The following DCBLD1 variants were observed in gnomAD, a reference collection of about 807,000 sequenced individuals.
DCBLD1 encodes discoidin, CUB and LCCL domain containing 1, also known as discoidin, CUB and LCCL domain-containing protein 1.
In DCBLD1, 57 loss-of-function variants were observed where a neutral mutation model predicts 71.5. The observed-to-expected ratio is 0.80, with a 90% CI of 0.64 to 0.99. DCBLD1 has a LOEUF of 0.99. Among genes scored for constraint, DCBLD1 ranks in the 50% least tolerant of loss-of-function variants. DCBLD1 has a pLI of 0.00. For synonymous variants in DCBLD1, 380 were observed against 363.8 expected (o/e 1.04, Z -0.51); for missense variants, 891 against 923.5 (o/e 0.96, Z 0.46).
At chr6:117,563,100 C>T in intron 14 of DCBLD1, 1 of 636,674 alleles carries the variant, frequency 1.6e-6, no homozygotes, top group East Asian at 2.6e-5. Flanking sequence ...GTGTTTTATG[C>T]ATTGAGAATT....
intron 2 of DCBLD1, among the ~76,000 whole-genome samples, chr6:117,511,313 G>GT (rs922749717): frequency 6.6e-6 from 1 of 152,172 alleles, no homozygotes; most frequent in East Asian, 1.9e-4. Context: ...TTCAAAAAAT[G>GT]TTTTTTAGTC....
chr6:117,503,726 A>G (rs773941830), intron 1 of DCBLD1, 41 bp from the exon 2 acceptor site: 1 of 1,592,302 alleles, frequency 6.3e-7, no homozygotes, highest in Non-Finnish European at 8.6e-7. Context: ...AGAATTAATG[A>G]CCCCTTCTTC....
chr6:117,508,249 AT>A (rs769991619), intron 2 of DCBLD1: 31 of 152,238 alleles, frequency 2.0e-4, no homozygotes, highest in Non-Finnish European at 2.9e-4. Context: ...CAAGTGGTTT[AT>A]TAAATAACAT....
intron 6 of DCBLD1, among the ~76,000 whole-genome samples, chr6:117,536,663 A>C (rs1028144150): frequency 3.3e-5 from 5 of 152,204 alleles, no homozygotes; most frequent in Non-Finnish European, 5.9e-5. Context: ...GACAGGGCAG[A>C]GACTGTCCCC....
rs141049146 is a variant in DCBLD1, at chr6:117,562,065, T to C, written c.1616-7555T>C. The C allele has an allele frequency of 2.6e-3, 545 of 206,434 alleles. 3 individuals carry two copies. The highest frequency in any genetic ancestry group is 0.012 in the African/African-American group (511 of 44,042). The allele number at this position is 206,434 out of a possible 1,614,324, so 12.8% of individuals were successfully genotyped here. ...AAGCTATCACCTCTTTAATGCAATGTTGTGACTTTGCCTAGCAGGTTACAA... is the reference window on the plus strand; with the variant it reads ...AAGCTATCACCTCTTTAATGCAATGCTGTGACTTTGCCTAGCAGGTTACAA... On this transcript the variant is annotated intron_variant, in intron 14 of 14. Transcript: ENST00000296955.
At chr6:117,534,962 G>T (rs1398863098) in intron 6 of DCBLD1, among the ~76,000 whole-genome samples, 2 of 152,120 alleles carry the variant, frequency 1.3e-5, no homozygotes, top group African/African-American at 4.8e-5. Context: ...CTTATTTCTA[G>T]ATCTGTGATT....
chr6:117,535,633 A>G (rs368809726), intron 6 of DCBLD1, among the ~76,000 whole-genome samples: 1 of 152,178 alleles, frequency 6.6e-6, no homozygotes, highest in Non-Finnish European at 1.5e-5. Context: ...ATTAACTCCA[A>G]AGGTATCCTT....
intron 1 of DCBLD1, among the ~76,000 whole-genome samples, chr6:117,497,519 G>C (rs141872305): frequency 2.2e-4 from 33 of 152,272 alleles, no homozygotes; most frequent in African/African-American, 7.9e-4. Context: ...CTTGTATATC[G>C]ACAACTCTTG....
Position 117,531,959 on chromosome 6 carries a change from C to T in DCBLD1, c.586-301C>T, listed in dbSNP as rs147393271. Among the ~76,000 whole-genome samples the T allele has an allele frequency of 2.5e-3, 377 of 152,256 alleles. 1 individual carries two copies. The highest frequency in any genetic ancestry group is 8.9e-3 in the African/African-American group (369 of 41,554). On this transcript the variant is annotated intron_variant, in intron 5 of 14. Transcript: ENST00000338728. ...CACACTGGATTGGATTAGTAAGCTC[C>T]CTTAGCCTGGAATCACTCTTGTGGC...
Position 117,549,419 on chromosome 6 carries a change from GA to G in DCBLD1, c.*983del. ...GTTGGAAACTGATCTCATTTTATAAGAAATGATTTTCCCCTCAAGGAGGCGT... is the reference window on the plus strand; with the variant it reads ...GTTGGAAACTGATCTCATTTTATAAGAATGATTTTCCCCTCAAGGAGGCGT... On this transcript the variant is annotated 3_prime_UTR_variant, in exon 15 of 15. Coordinates refer to ENST00000338728, the MANE Select transcript of DCBLD1 (RefSeq NM_001366458.2). 1.5e-5 allele frequency: 15 copies of G among 985,358 alleles called. No individual in the cohort carries two copies. Among genetic ancestry groups the G allele is most frequent in the Non-Finnish European group, 1.7e-5 (14 of 829,924 alleles). 61.0% of individuals were successfully genotyped at this position (985,358 alleles called of 1,614,324 possible). A position where few individuals can be genotyped will look rare whatever the true frequency, so the allele number is the denominator to read the frequency against.
At position 117,538,781 on chromosome 6, in the gene DCBLD1, C is replaced by A. The variant is rs767494152; in HGVS notation, c.922C>A (p.His308Asn). ...GGCTTCGGGCGACAGTAGCAACAAC[C>A]ACAAACCACGAGAGTGGCTGGAGAT... ...SWASGDSSNN[H>N]KPREWLEIDL... is the part of the protein sequence containing the mutation. The change falls in exon 8 of 15, where the codon CAC (histidine) becomes AAC (asparagine). Residue 308 changes from histidine (H) to asparagine (N), a missense_variant. Coordinates refer to ENST00000338728, the MANE Select transcript of DCBLD1 (RefSeq NM_001366458.2). 16 of 1,614,126 alleles carry A rather than the reference C, an allele frequency of 9.9e-6. No homozygotes were observed. The highest frequency in any genetic ancestry group is 1.4e-5 in the Non-Finnish European group (16 of 1,180,016).
At chr6:117,496,858 G>T (rs988908526) in intron 1 of DCBLD1, among the ~76,000 whole-genome samples, 2 of 152,144 alleles carry the variant, frequency 1.3e-5, no homozygotes, top group Non-Finnish European at 2.9e-5. Flanking sequence ...TGCATTACAT[G>T]TAATAAAATA....
At chr6:117,499,961 T>C (rs971695369) in intron 1 of DCBLD1, among the ~76,000 whole-genome samples, 1 of 152,216 alleles carries the variant, frequency 6.6e-6, no homozygotes, top group African/African-American at 2.4e-5. Context: ...GAGGTTGCGG[T>C]GAGCTGAGAT....
chr6:117,551,724 G>A (rs1209857906), downstream of DCBLD1, among the ~76,000 whole-genome samples: 1 of 152,132 alleles, frequency 6.6e-6, no homozygotes, highest in African/African-American at 2.4e-5. Context: ...GAAGAATTCT[G>A]ATTTATTTGG....
At chr6:117,515,165 A>G (rs1379116029) in intron 2 of DCBLD1, among the ~76,000 whole-genome samples, 1 of 151,860 alleles carries the variant, frequency 6.6e-6, no homozygotes, top group African/African-American at 2.4e-5. Flanking sequence ...GATTACAGGC[A>G]CCCACCACCA....
chr6:117,491,509 T>G (rs1777292400), intron 1 of DCBLD1, among the ~76,000 whole-genome samples: 1 of 152,196 alleles, frequency 6.6e-6, no homozygotes, highest in African/African-American at 2.4e-5. Flanking sequence ...TTATTAAGGA[T>G]TTCTTGACTT....
At chr6:117,538,968 G>A in intron 8 of DCBLD1, 133 bp downstream of exon 8, 1 of 985,550 alleles carries the variant, frequency 1.0e-6, no homozygotes, top group Non-Finnish European at 1.5e-6. Flanking sequence ...ATTTGAAAAT[G>A]TAACAAATCT....
chr6:117,569,602 A>G, intron 14 of DCBLD1: 3 of 1,613,240 alleles, frequency 1.9e-6, no homozygotes, highest in Non-Finnish European at 2.5e-6. Context: ...CAGCTTCTTT[A>G]TGCTTTGTGT....
Position 117,503,941 on chromosome 6 carries a change from C to G in DCBLD1, c.287C>G (p.Ser96Cys). Reference protein sequence around the residue: ...DLDIESQTCASDYLLFTSSSD... With the variant: ...DLDIESQTCACDYLLFTSSSD... ...GATATCGAATCCCAGACCTGTGCTT[C>G]TGACTATCTTCTCTTCACCAGCTCT... Residue 96 changes from serine (S) to cysteine (C), a missense_variant, in exon 2 of 15, where the codon TCT becomes TGT. By Grantham distance (112) the Ser-to-Cys change is moderately radical. Transcript: ENST00000338728. 1 of 1,614,156 alleles carries G rather than the reference C, an allele frequency of 6.2e-7. No homozygotes were observed. The highest frequency in any genetic ancestry group is 8.5e-7 in the Non-Finnish European group (1 of 1,179,998).
Sources: allele counts gnomAD v4.1 joint callset (sites outside exome capture counted in the v4.1 genomes callset), GRCh38; gene constraint gnomAD v4.1.1; transcripts MANE v1.5; gene names NCBI Gene and HGNC (gene_info 2026-07-23, HGNC 2026-07-21).